The following GRIA1 variants were observed in gnomAD, a reference collection of about 807,000 sequenced individuals.
GRIA1 encodes the protein glutamate ionotropic receptor AMPA type subunit 1.
A neutral mutation model predicts 99.2 loss-of-function variants in GRIA1; 31 were observed. That is an observed-to-expected ratio of 0.31 (90% CI 0.23 to 0.42). The LOEUF (loss-of-function observed/expected upper bound fraction) is 0.42. Among genes scored for constraint, GRIA1 ranks in the 10% least tolerant of loss-of-function variants. GRIA1 has a pLI of 1.00. For missense variants in GRIA1, 782 were observed against 1,157.5 expected (o/e 0.68, Z 4.71); for synonymous variants, 438 against 432.4 (o/e 1.01, Z -0.16).
At chr5:153,617,439 CTA>C (rs1026717641) in intron 2 of GRIA1, among the ~76,000 whole-genome samples, 7 of 152,262 alleles carry the variant, frequency 4.6e-5, no homozygotes, top group African/African-American at 1.4e-4. Context: ...GGGAAGATTT[CTA>C]TGTCATCAGC....
chr5:153,632,703 C>T (rs571569510), intron 2 of GRIA1, among the ~76,000 whole-genome samples: 2 of 152,176 alleles, frequency 1.3e-5, no homozygotes, highest in Non-Finnish European at 2.9e-5. Flanking sequence ...GTTCAATAAA[C>T]CGTTATTGAA....
Position 153,693,526 on chromosome 5 carries a change from A to G in GRIA1, c.1135-4518A>G, listed in dbSNP as rs902300316. The stretch of plus-strand genomic sequence containing the variant: ...ACCAATTTCTGAATTTGATTTGATG[A>G]CTGTGCAATATAGATCAATTGAATT... On this transcript the variant is annotated intron_variant, in intron 8 of 15. Transcript: ENST00000285900. 7.9e-5 allele frequency among the ~76,000 whole-genome samples: 12 copies of G among 152,174 alleles called. 1 individual carries two copies. Among genetic ancestry groups the G allele is most frequent in the Admixed American group, 7.2e-4 (11 of 15,282 alleles).
intron 2 of GRIA1, among the ~76,000 whole-genome samples, chr5:153,534,318 G>C (rs563117970): frequency 1.3e-5 from 2 of 152,234 alleles, no homozygotes; most frequent in East Asian, 3.9e-4. Flanking sequence ...GAGCTGAAAG[G>C]CTGGCTGATA....
At chr5:153,800,851 T>G (rs1765969307) in intron 14 of GRIA1, among the ~76,000 whole-genome samples, 1 of 152,224 alleles carries the variant, frequency 6.6e-6, no homozygotes, top group South Asian at 2.1e-4. Flanking sequence ...GAAGAGTCTC[T>G]AGGGCAATAC....
intron 2 of GRIA1, among the ~76,000 whole-genome samples, chr5:153,550,697 C>A (rs1161962691): frequency 6.6e-6 from 1 of 152,110 alleles, no homozygotes; most frequent in Admixed American, 6.6e-5. Context: ...ACCTGTTCCT[C>A]AGCTAAAATG....
intron 2 of GRIA1, among the ~76,000 whole-genome samples, chr5:153,494,963 G>A (rs1449993906): frequency 2.0e-5 from 3 of 152,112 alleles, no homozygotes; most frequent in Non-Finnish European, 4.4e-5. Flanking sequence ...TATTGACTTG[G>A]TGACTTCTGC....
At chr5:153,538,706 T>C (rs1449774811) in intron 2 of GRIA1, among the ~76,000 whole-genome samples, 1 of 152,206 alleles carries the variant, frequency 6.6e-6, no homozygotes, top group African/African-American at 2.4e-5. Flanking sequence ...ACCCTTTTTG[T>C]GTGACACTTG....
At chr5:153,742,060 C>G (rs182187616) in intron 11 of GRIA1, among the ~76,000 whole-genome samples, 2 of 152,128 alleles carry the variant, frequency 1.3e-5, no homozygotes, top group South Asian at 2.1e-4. Flanking sequence ...AGAGAAACCC[C>G]TTTATACAAC....
At chr5:153,742,258 G>A (rs1391608544) in intron 11 of GRIA1, among the ~76,000 whole-genome samples, 1 of 152,152 alleles carries the variant, frequency 6.6e-6, no homozygotes, top group African/African-American at 2.4e-5. Context: ...GAAGGTAGGA[G>A]TGTGCAGGAA....
intron 1 of GRIA1, chr5:153,492,172 G>T: frequency 6.6e-7 from 1 of 1,517,802 alleles, no homozygotes. Flanking sequence ...GGGGGATGTG[G>T]TGCAATTGAT....
rs147787770 is a variant in GRIA1, at chr5:153,577,685, A to T, written c.221-69243A>T. On this transcript the variant is annotated intron_variant, in intron 2 of 15. Coordinates refer to ENST00000285900, the MANE Select transcript of GRIA1 (RefSeq NM_000827.4). ...CCCAAGTTCAAAACTTATAAACTTA[A>T]CTTATTTATTCATTGATTATGTATT... Among the ~76,000 whole-genome samples the T allele has an allele frequency of 1.1e-3, 174 of 152,344 alleles. 1 individual carries two copies. The highest frequency in any genetic ancestry group is 4.0e-3 in the African/African-American group (168 of 41,574).
intron 2 of GRIA1, chr5:153,525,216 C>G (rs969736349): frequency 2.0e-5 from 3 of 152,168 alleles, no homozygotes; most frequent in African/African-American, 7.2e-5. Flanking sequence ...GTGATTTTGC[C>G]CCTTTCCCTT....
intron 7 of GRIA1, among the ~76,000 whole-genome samples, chr5:153,681,402 G>C (rs1245551876): frequency 2.0e-5 from 3 of 152,202 alleles, no homozygotes; most frequent in Non-Finnish European, 4.4e-5. Context: ...CAGGCAAACT[G>C]AGATGGGTGG....
chr5:153,683,196 C>T (rs75275051), intron 7 of GRIA1, among the ~76,000 whole-genome samples: 2 of 152,304 alleles, frequency 1.3e-5, no homozygotes, highest in East Asian at 3.9e-4. Context: ...GCTTCTTCCT[C>T]TGTCTCTGAG....
chr5:153,568,368 A>T (rs770117936), intron 2 of GRIA1, among the ~76,000 whole-genome samples: 1 of 152,214 alleles, frequency 6.6e-6, no homozygotes, highest in African/African-American at 2.4e-5. Flanking sequence ...TCTCAGGCCC[A>T]CCTCAAACCT....
chr5:153,676,167 T>C (rs13186852), intron 6 of GRIA1, among the ~76,000 whole-genome samples: 42,089 of 152,128 alleles, frequency 0.28, 6,249 homozygotes, highest in East Asian at 0.42. Context: ...TGTAATTTAA[T>C]TTTTTAAAAA....
chr5:153,735,615 C>T (rs1199859180), intron 11 of GRIA1, among the ~76,000 whole-genome samples: 5 of 152,054 alleles, frequency 3.3e-5, no homozygotes. Flanking sequence ...AGAAATTGGG[C>T]ATAAGACAAT....
At chr5:153,733,397 A>T (rs1761173170) in intron 11 of GRIA1, among the ~76,000 whole-genome samples, 2 of 152,134 alleles carry the variant, frequency 1.3e-5, no homozygotes, top group African/African-American at 4.8e-5. Context: ...AAGAGAAAGG[A>T]ATCAAGGCAT....
chr5:153,625,817 T>C (rs998339981), intron 2 of GRIA1, among the ~76,000 whole-genome samples: 1 of 152,208 alleles, frequency 6.6e-6, no homozygotes, highest in Admixed American at 6.5e-5. Flanking sequence ...CACAGTAACT[T>C]ATTTATTCCT....
Sources: allele counts gnomAD v4.1 joint callset (sites outside exome capture counted in the v4.1 genomes callset), GRCh38; gene constraint gnomAD v4.1.1; transcripts MANE v1.5; gene names NCBI Gene and HGNC (gene_info 2026-07-23, HGNC 2026-07-21).